Variants in NDUFAF8 observed in about 807,000 individuals in gnomAD.
NDUFAF8 encodes NADH dehydrogenase [ubiquinone] 1 alpha subcomplex assembly factor 8.
Under a neutral mutation model 9.9 loss-of-function variants are expected in NDUFAF8, and 9 were observed. The observed-to-expected ratio is 0.91, with a 90% confidence interval of 0.55 to 1.59. The LOEUF is 1.59. Ranked by LOEUF, NDUFAF8 falls within the 40% of genes most tolerant of loss-of-function variation. The pLI, the probability that NDUFAF8 is intolerant of heterozygous loss-of-function variation, is 0.00. For missense variants in NDUFAF8, 114 were observed against 113.8 expected, an observed-to-expected ratio of 1.00 and a Z score of -0.01; for synonymous variants, 63 against 51.2, an observed-to-expected ratio of 1.23 and a Z score of -0.98.
At chr17:81,240,099 C>T (rs1054519692) in intron 2 of NDUFAF8, 4 of 232,070 alleles carry the variant, frequency 1.7e-5, no homozygotes, top group Non-Finnish European at 3.5e-5. Context: ...CAGCACGTGT[C>T]CTGCGGGGAA....
Position 81,241,234 on chromosome 17 carries a change from G to C in NDUFAF8, c.*218G>C, listed in dbSNP as rs1181918858. 3 of 1,325,162 alleles carry C rather than the reference G, an allele frequency of 2.3e-6. No homozygotes were observed. In the Admixed American group the frequency reaches 9.4e-5, roughly 41 times the overall value. The allele number at this position is 1,325,162 out of a possible 1,614,324, so 82.1% of individuals were successfully genotyped here. On this transcript the variant is annotated 3_prime_UTR_variant, in exon 3 of 3. Transcript: ENST00000431388. ...GCATTGTGTCCGTAAACCTGAGTTA[G>C]AATAAGATGTAACGGAAGCCACGAT...
intron 2 of NDUFAF8, 75 bp from the exon 3 acceptor site, chr17:81,240,912 G>C (rs1018433859): frequency 1.3e-6 from 2 of 1,535,380 alleles, no homozygotes; most frequent in Non-Finnish European, 1.8e-6. Context: ...AACACAACGT[G>C]TGGTGTGGTA....
chr17:81,239,709 C>G (rs1455326806), intron 2 of NDUFAF8, 31 bp downstream of exon 2: 7 of 1,523,892 alleles, frequency 4.6e-6, no homozygotes, highest in Non-Finnish European at 6.2e-6. Context: ...TCCCCCCTTC[C>G]CAGCCCTTCC....
Position 81,239,555 on chromosome 17 carries a change from G to A in NDUFAF8, c.85-13G>A. 6.6e-7 allele frequency: 1 copy of A among 1,526,552 alleles called. No individual in the cohort carries two copies. Among genetic ancestry groups the A allele is most frequent in the Non-Finnish European group, 8.8e-7 (1 of 1,140,842 alleles). 94.6% of individuals were successfully genotyped at this position (1,526,552 alleles called of 1,614,324 possible). A position where few individuals can be genotyped will look rare whatever the true frequency, so the allele number is the denominator to read the frequency against. The stretch of plus-strand genomic sequence containing the variant: ...TCAGGGGACCCCACGACCCACGCCC[G>A]TCCTTTCCGCAGGCCGCGGCGTACG... On this transcript the variant is annotated splice_polypyrimidine_tract_variant and intron_variant, in intron 1 of 2. Transcript: ENST00000431388.
Position 81,241,099 on chromosome 17 carries a change from G to A in NDUFAF8, c.*83G>A, listed in dbSNP as rs754302658. ...TGGCCCCTGGTGGCACATATCGAAT[G>A]CCTAGGGCAGAAAGGAAGTGGGAAT... is the stretch of plus-strand genomic sequence containing the variant. On this transcript the variant is annotated 3_prime_UTR_variant, in exon 3 of 3. Coordinates refer to ENST00000431388, the MANE Select transcript of NDUFAF8 (RefSeq NM_001086521.2). 536 of 1,520,536 alleles carry A rather than the reference G, an allele frequency of 3.5e-4. 3 individuals are homozygous for A. Among genetic ancestry groups the A allele is most frequent in the Non-Finnish European group, 4.7e-4 (529 of 1,129,312 alleles). The allele number at this position is 1,520,536 out of a possible 1,614,324, so 94.2% of individuals were successfully genotyped here. A position where few individuals can be genotyped will look rare whatever the true frequency, so the allele number is the denominator to read the frequency against.
rs2062815172 is a variant in NDUFAF8 at position 81,241,205 on chromosome 17, T to G, written c.*189T>G. ...GCGTGGGTAGAGCAGGAATTGGTTT[T>G]CCAGCATTGTGTCCGTAAACCTGAG... On this transcript the variant is annotated 3_prime_UTR_variant, in exon 3 of 3. Transcript: ENST00000431388. 7.2e-7 allele frequency: 1 copy of G among 1,380,232 alleles called. No individual in the cohort carries two copies. Among genetic ancestry groups the G allele is most frequent in the East Asian group, 2.6e-5 (1 of 38,338 alleles). 85.5% of individuals were successfully genotyped at this position (1,380,232 alleles called of 1,614,324 possible). A position where few individuals can be genotyped will look rare whatever the true frequency, so the allele number is the denominator to read the frequency against.
Position 81,239,358 on chromosome 17 carries a change from C to G in NDUFAF8, c.-6C>G. 7.3e-7 allele frequency: 1 copy of G among 1,365,546 alleles called. No individual in the cohort carries two copies. The highest frequency in any genetic ancestry group is 9.4e-7 in the Non-Finnish European group (1 of 1,058,602). 84.6% of individuals were successfully genotyped at this position (1,365,546 alleles called of 1,614,324 possible). On this transcript the variant is annotated 5_prime_UTR_variant, in exon 1 of 3. Coordinates refer to ENST00000431388, the MANE Select transcript of NDUFAF8 (RefSeq NM_001086521.2). ...GCGGCCTCCAGGGGGCTGGGAATAG[C>G]CGCTCATGTCGGCTAACGGAGCGGT...
At chr17:81,239,861 G>C (rs1279869051) in intron 2 of NDUFAF8, 183 bp downstream of exon 2, 1 of 670,304 alleles carries the variant, frequency 1.5e-6, no homozygotes, top group Admixed American at 2.9e-5. Context: ...TCCTGGGCTT[G>C]TCCCTGCATG....
chr17:81,239,715 C>T, intron 2 of NDUFAF8, 37 bp downstream of exon 2: 8 of 1,521,170 alleles, frequency 5.3e-6, no homozygotes, highest in South Asian at 1.2e-5. Context: ...CTTCCCAGCC[C>T]TTCCCCTCCA....
intron 2 of NDUFAF8, chr17:81,239,906 G>C: frequency 1.7e-6 from 1 of 595,196 alleles, no homozygotes. Flanking sequence ...CCTCAGAAAG[G>C]ATGGGAGATG....
At position 81,241,105 on chromosome 17, in the gene NDUFAF8, G is replaced by C; in HGVS notation, c.*89G>C. ...CTGGTGGCACATATCGAATGCCTAG[G>C]GCAGAAAGGAAGTGGGAATGGCGAA... On this transcript the variant is annotated 3_prime_UTR_variant, in exon 3 of 3. Transcript: ENST00000431388. 2.7e-6 allele frequency: 4 copies of C among 1,507,320 alleles called. No homozygotes were observed. The highest frequency in any genetic ancestry group is 3.6e-6 in the Non-Finnish European group (4 of 1,122,294). 93.4% of individuals were successfully genotyped at this position (1,507,320 alleles called of 1,614,324 possible).
At chr17:81,239,742 G>A in intron 2 of NDUFAF8, 64 bp downstream of exon 2, 2 of 1,473,440 alleles carry the variant, frequency 1.4e-6, no homozygotes, top group Non-Finnish European at 1.8e-6. Context: ...AGCGGGCCCC[G>A]GCTTTCCTTT....
In NDUFAF8 at chr17:81,239,692, G is replaced by T; in HGVS notation, c.195+14G>T. On this transcript the variant is annotated intron_variant, in intron 2 of 2. Coordinates refer to ENST00000431388, the MANE Select transcript of NDUFAF8 (RefSeq NM_001086521.2). ...TTCGCCGCTGCGGTAGGTGGGCGCG[G>T]GCCCCTTCCCCCCTTCCCAGCCCTT... 6.5e-7 allele frequency: 1 copy of T among 1,535,708 alleles called. No individual in the cohort carries two copies. Among genetic ancestry groups the T allele is most frequent in the Non-Finnish European group, 8.7e-7 (1 of 1,145,212 alleles).
In NDUFAF8 at chr17:81,239,562, C is replaced by A; in HGVS notation, c.85-6C>A. On this transcript the variant is annotated splice_polypyrimidine_tract_variant and splice_region_variant and intron_variant, in intron 1 of 2. Transcript: ENST00000431388. ...ACCCCACGACCCACGCCCGTCCTTT[C>A]CGCAGGCCGCGGCGTACGGCAGGTG... 6.5e-7 allele frequency: 1 copy of A among 1,529,228 alleles called. No individual in the cohort carries two copies. Among genetic ancestry groups the A allele is most frequent in the Non-Finnish European group, 8.8e-7 (1 of 1,141,970 alleles). The allele number at this position is 1,529,228 out of a possible 1,614,324, so 94.7% of individuals were successfully genotyped here. A position where few individuals can be genotyped will look rare whatever the true frequency, so the allele number is the denominator to read the frequency against.
intron 2 of NDUFAF8, 120 bp downstream of exon 2, chr17:81,239,798 A>T: frequency 9.3e-7 from 1 of 1,079,254 alleles, no homozygotes; most frequent in Non-Finnish European, 1.3e-6. Context: ...CGTGCTTTAG[A>T]CGCCGGCTGA....
At chr17:81,239,510 G>C in intron 1 of NDUFAF8, 58 bp from the exon 2 acceptor site, 1 of 1,449,834 alleles carries the variant, frequency 6.9e-7, no homozygotes, top group Non-Finnish European at 9.1e-7. Flanking sequence ...AGGTGGCTGG[G>C]AGGGAGGACG....
In NDUFAF8 at chr17:81,239,641, G is replaced by C. The variant is rs1397309820; in HGVS notation, c.158G>C (p.Arg53Pro). The change falls in exon 2 of 3, where the codon CGG becomes CCG. Residue 53 changes from arginine to proline, a missense_variant. Transcript: ENST00000431388. ...CGCCTGAGTAAGGACTTCTGCGCGC[G>C]GGAGTTCGAGGCCCTGCGGAGCTGC... is the stretch of plus-strand genomic sequence containing the variant. ...GGRLSKDFCAREFEALRSCFA... is the reference protein window; with the variant it reads ...GGRLSKDFCAPEFEALRSCFA... 8.4e-6 allele frequency: 13 copies of C among 1,540,414 alleles called. No individual in the cohort carries two copies. The East Asian group carries it at 3.2e-4, about 38-fold the overall frequency.
At position 81,241,029 on chromosome 17, in the gene NDUFAF8, G is replaced by A; in HGVS notation, c.*13G>A. ...GGGAGGCTGTTAGGAGGGACTCTGAGCTTCACACCTGTCTGCTGCCATGGG... is the reference window on the plus strand; with the variant it reads ...GGGAGGCTGTTAGGAGGGACTCTGAACTTCACACCTGTCTGCTGCCATGGG... On this transcript the variant is annotated 3_prime_UTR_variant, in exon 3 of 3. Transcript: ENST00000431388. The A allele has an allele frequency of 1.2e-6, 2 of 1,612,916 alleles. No homozygotes were observed. The highest frequency in any genetic ancestry group is 1.1e-5 in the South Asian group (1 of 90,868).
In NDUFAF8 at chr17:81,239,609, G is replaced by C. The variant is rs1028254775; in HGVS notation, c.126G>C (p.Pro42=). ...YGRCVQASTA[P]GGRLSKDFCA... ...GGTGCGTGCAGGCCTCCACGGCCCC[G>C]GGCGGCCGCCTGAGTAAGGACTTCT... The change falls in exon 2 of 3, where the codon CCG becomes CCC. Residue 42 remains proline (P), a synonymous_variant. Transcript: ENST00000431388. The C allele has an allele frequency of 1.9e-6, 3 of 1,539,178 alleles. No individual in the cohort carries two copies. Among genetic ancestry groups the C allele is most frequent in the Non-Finnish European group, 2.6e-6 (3 of 1,146,282 alleles).
Sources: gnomAD v4.1 joint callset for allele counts on GRCh38, gnomAD v4.1.1 for gene constraint, MANE v1.5 for transcripts, NCBI Gene and HGNC (gene_info 2026-07-23, HGNC 2026-07-21) for gene names.